The following EEA1 variants were observed in gnomAD, a reference collection of about 807,000 sequenced individuals.
The protein encoded by EEA1 is early endosome antigen 1, 162kD.
In EEA1, 111 loss-of-function variants were observed where a neutral mutation model predicts 209.2. That is an observed-to-expected ratio of 0.53 (90% CI 0.45 to 0.62). The LOEUF (loss-of-function observed/expected upper bound fraction) is 0.62. Ranked by LOEUF, EEA1 falls within the 20% of genes least tolerant of loss-of-function variation. The pLI, the probability that EEA1 is intolerant of heterozygous loss-of-function variation, is 0.00. For missense variants in EEA1, 1,343 were observed against 1,530.8 expected (o/e 0.88, Z 2.05); for synonymous variants, 536 against 540.6 (o/e 0.99, Z 0.12).
intron 1 of EEA1, among the ~76,000 whole-genome samples, chr12:92,921,068 A>G (rs1024178844): frequency 1.3e-5 from 2 of 152,232 alleles, no homozygotes; most frequent in African/African-American, 2.4e-5. Context: ...CACACCAGTT[A>G]GAATGGCGAT....
intron 1 of EEA1, among the ~76,000 whole-genome samples, chr12:92,915,037 T>G (rs1321188414): frequency 6.6e-6 from 1 of 152,184 alleles, no homozygotes; most frequent in African/African-American, 2.4e-5. Context: ...AATGTCAGCC[T>G]CACAGAATTG....
rs949274368 is a variant in EEA1, at chr12:92,819,620, A to AT, written c.1525-110dup. ...CTATCACTCAAATACTCAGTCTTAC[A>AT]TTTTTTAAAACTATTACATTTCAAT... On this transcript the variant is annotated intron_variant, in intron 13 of 28. Coordinates refer to ENST00000322349, the MANE Select transcript of EEA1 (RefSeq NM_003566.4). 6.8e-5 allele frequency: 50 copies of AT among 734,460 alleles called. No individual in the cohort carries two copies. In the African/African-American group the frequency reaches 8.6e-4, roughly 13 times the overall value. 45.5% of individuals were successfully genotyped at this position (734,460 alleles called of 1,614,324 possible). A position where few individuals can be genotyped will look rare whatever the true frequency, so the allele number is the denominator to read the frequency against.
rs560597630 is a variant in EEA1 at position 92,776,846 on chromosome 12, G to C, written c.4111C>G (p.Arg1371Gly). 6.2e-7 allele frequency: 1 copy of C among 1,610,298 alleles called. No homozygotes were observed. Among genetic ancestry groups the C allele is most frequent in the African/African-American group, 1.3e-5 (1 of 74,864 alleles). ...CGKGFSVTVR[R>G]HHCRQCGNIF... ...GTTACATGAACAAAATTATTTACCCGTCTCACTGTTACTGAAAAGCCTTTC... is the reference window on the plus strand; with the variant it reads ...GTTACATGAACAAAATTATTTACCCCTCTCACTGTTACTGAAAAGCCTTTC... The change falls in exon 28 of 29, where the codon CGG (arginine) becomes GGG (glycine). Residue 1371 changes from arginine (R) to glycine (G), a missense_variant and splice_region_variant. Around this residue, in one of 3 missense-constraint regions of EEA1, gnomAD observed 8 missense variants for 27.7 expected, o/e 0.29. Transcript: ENST00000322349.
chr12:92,832,894 T>G lies in EEA1; in HGVS notation c.916-44A>C, dbSNP rs550290393. The G allele has an allele frequency of 5.8e-6, 8 of 1,381,774 alleles. No homozygotes were observed. The South Asian group carries it at 1.1e-4, about 19-fold the overall frequency. The allele number at this position is 1,381,774 out of a possible 1,614,324, so 85.6% of individuals were successfully genotyped here. A position where few individuals can be genotyped will look rare whatever the true frequency, so the allele number is the denominator to read the frequency against. On this transcript the variant is annotated intron_variant, in intron 10 of 28. Coordinates refer to ENST00000322349, the MANE Select transcript of EEA1 (RefSeq NM_003566.4). ...AATTTATTTCCTTTTCTAATATTTT[T>G]AATTACTCCAATTACTCAAACAATC...
rs537043620 is a variant in EEA1 at position 92,841,210 on chromosome 12, G to A, written c.915+1255C>T. Among the ~76,000 whole-genome samples the A allele has an allele frequency of 9.2e-5, 14 of 152,224 alleles. No homozygotes were observed. In the East Asian group the frequency reaches 1.9e-3, roughly 21 times the overall value. On this transcript the variant is annotated intron_variant, in intron 10 of 28. Transcript: ENST00000322349. ...GACAAGGGTGCCAAGATTATTCAAC[G>A]GGGAAAGGACAGTCTTTTCTACAAA...
At position 92,777,576 on chromosome 12, in the gene EEA1, C is replaced by T. The variant is rs1178010143; in HGVS notation, c.3981G>A (p.Val1327=). The change falls in exon 27 of 29, where the codon GTG becomes GTA. Residue 1327 remains valine, a synonymous_variant. Coordinates refer to ENST00000322349, the MANE Select transcript of EEA1 (RefSeq NM_003566.4). ...QRKLDNTTAA[V]QELGRENQSL... ...ATTGGTTTTCTCTGCCCAGCTCCTGCACTGCTGCAGTTGTATTATCCAGCT... is the reference window on the plus strand; with the variant it reads ...ATTGGTTTTCTCTGCCCAGCTCCTGTACTGCTGCAGTTGTATTATCCAGCT... 1 of 1,612,154 alleles carries T rather than the reference C, an allele frequency of 6.2e-7. No homozygotes were observed. The highest frequency in any genetic ancestry group is 8.5e-7 in the Non-Finnish European group (1 of 1,178,790).
chr12:92,914,513 A>G (rs1880691902), intron 1 of EEA1, among the ~76,000 whole-genome samples: 1 of 152,096 alleles, frequency 6.6e-6, no homozygotes, highest in Non-Finnish European at 1.5e-5. Flanking sequence ...TATGAAAAAC[A>G]ATGTTGGTAA....
chr12:92,899,860 A>G (rs1880076515), intron 1 of EEA1, among the ~76,000 whole-genome samples: 1 of 152,136 alleles, frequency 6.6e-6, no homozygotes, highest in African/African-American at 2.4e-5. Context: ...GCACAGCAGG[A>G]TATTGTGAAA....
At chr12:92,830,982 T>C (rs1425614483) in intron 11 of EEA1, among the ~76,000 whole-genome samples, 1 of 152,272 alleles carries the variant, frequency 6.6e-6, no homozygotes, top group East Asian at 1.9e-4. Context: ...GAAGACATGT[T>C]ACAGAAATAT....
Position 92,852,180 on chromosome 12 carries a change from C to T in EEA1, c.637G>A (p.Glu213Lys), listed in dbSNP as rs201895926. 1.3e-6 allele frequency: 2 copies of T among 1,575,200 alleles called. No individual in the cohort carries two copies. Among genetic ancestry groups the T allele is most frequent in the East Asian group, 2.3e-5 (1 of 43,024 alleles). The change falls in exon 8 of 29, where the codon GAA becomes AAA. Residue 213 changes from glutamate to lysine, a missense_variant. Transcript: ENST00000322349. ...EATVIQDLKT[E>K]LLQRPGIEDV... The stretch of plus-strand genomic sequence containing the variant: ...ATAAATAATTCCTAAATTACCAGTT[C>T]CGTCTTCAGATCTTGAATTACAGTT...
At chr12:92,903,152 T>A (rs1880224533) in intron 1 of EEA1, among the ~76,000 whole-genome samples, 1 of 151,716 alleles carries the variant, frequency 6.6e-6, no homozygotes, top group Non-Finnish European at 1.5e-5. Context: ...TTAGCCAGGA[T>A]GGTCTCAATC....
rs1873931212 is a variant in EEA1, at chr12:92,782,056, A to G, written c.3230T>C (p.Ile1077Thr). 6.2e-7 allele frequency: 1 copy of G among 1,612,720 alleles called. No homozygotes were observed. Among genetic ancestry groups the G allele is most frequent in the Admixed American group, 1.7e-5 (1 of 59,888 alleles). Residue 1077 changes from isoleucine to threonine, a missense_variant, in exon 23 of 29, where the codon ATT becomes ACT. By Grantham distance (89) the Ile-to-Thr change is moderately conservative. This residue lies in a region of EEA1 where 1,307 missense variants were observed against 1,465.5 expected (regional missense o/e 0.89). Coordinates refer to ENST00000322349, the MANE Select transcript of EEA1 (RefSeq NM_003566.4). ...RNQIGNQNKL[I>T]QELKTAKATL... ...AGCCTTGGCAGTCTTCAGTTCTTGA[A>G]TCAATTTATTTTGATTTCCAATTTG...
At chr12:92,804,055 T>C (rs1004073369) in intron 18 of EEA1, among the ~76,000 whole-genome samples, 2 of 152,090 alleles carry the variant, frequency 1.3e-5, no homozygotes, top group East Asian at 3.8e-4. Context: ...TAATATCTCT[T>C]TTTAGAAACT....
intron 18 of EEA1, 95 bp downstream of exon 18, chr12:92,808,922 A>T: frequency 9.7e-7 from 1 of 1,027,140 alleles, no homozygotes; most frequent in Non-Finnish European, 1.4e-6. Flanking sequence ...ATAAGTCTTT[A>T]AGCACTACGA....
Position 92,860,359 on chromosome 12 carries a change from A to G in EEA1, c.246-2874T>C, listed in dbSNP as rs564757117. ...TGTTTTATTTTCAAAACCAGATCCA[A>G]TGAGCTTTCTCAACAGCTGGTGTAG... is the stretch of plus-strand genomic sequence containing the variant. On this transcript the variant is annotated intron_variant, in intron 3 of 28. Transcript: ENST00000322349. Among the ~76,000 whole-genome samples, 4 of 152,328 alleles carry G rather than the reference A, an allele frequency of 2.6e-5. No individual in the cohort carries two copies. In the South Asian group the frequency reaches 6.2e-4, roughly 24 times the overall value.
At chr12:92,879,157 G>A (rs772429880) in intron 2 of EEA1, 16 of 311,568 alleles carry the variant, frequency 5.1e-5, no homozygotes, top group Non-Finnish European at 9.9e-5. Flanking sequence ...TATACAGGCT[G>A]AGCACCCATT....
At chr12:92,864,209 A>G (rs1046329108) in intron 3 of EEA1, among the ~76,000 whole-genome samples, 14 of 152,174 alleles carry the variant, frequency 9.2e-5, no homozygotes, top group Non-Finnish European at 2.9e-5. Context: ...GTGTTACAGC[A>G]GATTAATCAA....
At chr12:92,811,636 T>A (rs1262743339) in intron 16 of EEA1, among the ~76,000 whole-genome samples, 2 of 152,162 alleles carry the variant, frequency 1.3e-5, no homozygotes, top group Non-Finnish European at 2.9e-5. Flanking sequence ...TAGTCTGAGA[T>A]CCTAAGTTTA....
At chr12:92,845,194 T>C (rs1342995513) in intron 9 of EEA1, among the ~76,000 whole-genome samples, 1 of 152,036 alleles carries the variant, frequency 6.6e-6, no homozygotes, top group African/African-American at 2.4e-5. Context: ...ACTTGAAACT[T>C]TAAAATTTAC....
Sources: gnomAD v4.1 joint callset for allele counts (sites outside exome capture counted in the v4.1 genomes callset) on GRCh38, gnomAD v4.1.1 for gene constraint, gnomAD v4.1.1 regional missense constraint, MANE v1.5 for transcripts, NCBI Gene and HGNC (gene_info 2026-07-23, HGNC 2026-07-21) for gene names.